ECPAS: variants seen among roughly 807,000 people sequenced by gnomAD.
The protein encoded by ECPAS is Ecm29 proteasome adaptor and scaffold.
ECPAS carries 70 observed loss-of-function variants against 255.1 expected under a neutral mutation model. The observed-to-expected ratio is 0.27, with a 90% CI of 0.23 to 0.33. The LOEUF is 0.33. ECPAS is among the 10% of genes least tolerant of loss of function. ECPAS has a pLI of 1.00. For synonymous variants in ECPAS, 784 were observed against 775.0 expected, an observed-to-expected ratio of 1.01 and a Z score of -0.19; for missense variants, 1,817 against 2,206.4, an observed-to-expected ratio of 0.82 and a Z score of 3.54.
chr9:111,399,046 G>T lies in ECPAS; in HGVS notation c.2653-1893C>A, dbSNP rs553960161. ...TTAAAATAGCTAAAAGAATATAATA[G>T]GATTGTTTGCAACTCAAAAGAAATG... On this transcript the variant is annotated intron_variant, in intron 24 of 49. Transcript: ENST00000684092. Among the ~76,000 whole-genome samples the T allele has an allele frequency of 1.8e-4, 27 of 152,176 alleles. No homozygotes were observed. The South Asian group carries it at 5.6e-3, about 32-fold the overall frequency.
At position 111,412,037 on chromosome 9, in the gene ECPAS, T is replaced by G. The variant is rs781556785; in HGVS notation, c.2191A>C (p.Ile731Leu). The stretch of plus-strand genomic sequence containing the variant: ...ACGTGATTGTCTTTTGTAGTCTTTA[T>G]AAGCTGTTCTATCATTGATTTCAAC... Reference protein sequence around the residue: ...NELKSMIEQLIKTTKDNHSPE... With the variant: ...NELKSMIEQLLKTTKDNHSPE... Residue 731 changes from isoleucine (I) to leucine (L), a missense_variant, in exon 21 of 50, where the codon ATA (isoleucine) becomes CTA (leucine). Ile to Leu is a conservative substitution (Grantham distance 5). Transcript: ENST00000684092. 3 of 1,577,570 alleles carry G rather than the reference T, an allele frequency of 1.9e-6. No homozygotes were observed. The highest frequency in any genetic ancestry group is 2.8e-5 in the African/African-American group (2 of 72,378).
At chr9:111,467,967 A>G (rs2098281564) in intron 2 of ECPAS, among the ~76,000 whole-genome samples, 1 of 152,138 alleles carries the variant, frequency 6.6e-6, no homozygotes, top group Non-Finnish European at 1.5e-5. Flanking sequence ...AGCCTGACCA[A>G]TATGATGAAA....
At chr9:111,458,166 T>C (rs921241354) in intron 2 of ECPAS, among the ~76,000 whole-genome samples, 28 of 152,338 alleles carry the variant, frequency 1.8e-4, no homozygotes, top group African/African-American at 6.5e-4. Flanking sequence ...GAGTCTAAGA[T>C]ATAAAGGAGC....
At chr9:111,464,270 CA>C (rs200787710) in intron 2 of ECPAS, among the ~76,000 whole-genome samples, 3,284 of 124,128 alleles carry the variant, frequency 0.026, 46 homozygotes, top group African/African-American at 0.042. Context: ...CCATCTCTAC[CA>C]AAAAAAAAAA....
In ECPAS at chr9:111,373,315, C is replaced by A. The variant is rs201568334; in HGVS notation, c.4269G>T (p.Arg1423=). The A allele has an allele frequency of 2.9e-5, 46 of 1,613,244 alleles. No individual in the cohort carries two copies. Among genetic ancestry groups the A allele is most frequent in the Admixed American group, 6.7e-5 (4 of 59,984 alleles). ...TAACTAAGCAAGAAATTTAACTCAC[C>A]CGAACTAAATGGCCCATAGCAAATG... is the stretch of plus-strand genomic sequence containing the variant. ...SCAFAMGHLV[R]TSRDSSTEKL... Residue 1423 remains arginine (R), a splice_region_variant and synonymous_variant, in exon 40 of 50, where the codon CGG becomes CGT. Coordinates refer to ENST00000684092, the MANE Select transcript of ECPAS (RefSeq NM_001364929.1).
chr9:111,406,966 C>T (rs1050830290), intron 24 of ECPAS, among the ~76,000 whole-genome samples: 3 of 149,378 alleles, frequency 2.0e-5, no homozygotes, highest in Non-Finnish European at 4.4e-5. Flanking sequence ...AGATATTCTG[C>T]TTCCGTTTCA....
chr9:111,423,379 A>G, intron 12 of ECPAS, 131 bp from the exon 13 acceptor site: 2 of 646,042 alleles, frequency 3.1e-6, no homozygotes. Context: ...CCTAGGTCTC[A>G]CTCTGTCTAA....
Position 111,373,414 on chromosome 9 carries a change from A to T in ECPAS, c.4178-8T>A. ...AAGCACTCATAAGTTTACCTACCAG[A>T]AATAAAGAGAAAAAAATCTGATACT... On this transcript the variant is annotated splice_polypyrimidine_tract_variant and splice_region_variant and intron_variant, in intron 39 of 49. Transcript: ENST00000684092. 6.2e-7 allele frequency: 1 copy of T among 1,610,366 alleles called. No homozygotes were observed. Among genetic ancestry groups the T allele is most frequent in the Non-Finnish European group, 8.5e-7 (1 of 1,177,812 alleles).
At chr9:111,482,735 C>T (rs913264605) in intron 1 of ECPAS, among the ~76,000 whole-genome samples, 1 of 152,178 alleles carries the variant, frequency 6.6e-6, no homozygotes, top group East Asian at 1.9e-4. Flanking sequence ...TGTCCTATGT[C>T]CTATGAAACT....
At chr9:111,467,438 C>T (rs2098280953) in intron 2 of ECPAS, among the ~76,000 whole-genome samples, 1 of 152,150 alleles carries the variant, frequency 6.6e-6, no homozygotes, top group Admixed American at 6.5e-5. Context: ...AATTATGTGT[C>T]ATTACTAACT....
At chr9:111,370,408 C>A in intron 45 of ECPAS, 27 bp downstream of exon 45, 1 of 1,457,674 alleles carries the variant, frequency 6.9e-7, no homozygotes, top group Non-Finnish European at 9.3e-7. Flanking sequence ...AAGTATAAAC[C>A]AGAACTGAGG....
chr9:111,420,519 T>C (rs1489273212), intron 15 of ECPAS, among the ~76,000 whole-genome samples: 1 of 152,080 alleles, frequency 6.6e-6, no homozygotes, highest in Non-Finnish European at 1.5e-5. Flanking sequence ...TGAGTGAAAG[T>C]CAGGTATTTG....
intron 6 of ECPAS, 100 bp downstream of exon 6, chr9:111,440,272 T>A: frequency 1.0e-6 from 1 of 1,000,788 alleles, no homozygotes; most frequent in Non-Finnish European, 1.4e-6. Context: ...GATGTTGAGA[T>A]GCATTCATTT....
intron 24 of ECPAS, among the ~76,000 whole-genome samples, chr9:111,401,687 T>C (rs2098176300): frequency 6.6e-6 from 1 of 152,130 alleles, no homozygotes; most frequent in Admixed American, 6.5e-5. Context: ...AGAGTAGCCA[T>C]TCATAGACCT....
chr9:111,400,746 A>G (rs956376963), intron 24 of ECPAS, among the ~76,000 whole-genome samples: 4 of 152,226 alleles, frequency 2.6e-5, no homozygotes, highest in South Asian at 2.1e-4. Flanking sequence ...AAAAAAATGC[A>G]GAAGAATGAG....
chr9:111,457,018 C>T (rs542737011), intron 2 of ECPAS, among the ~76,000 whole-genome samples: 1 of 152,212 alleles, frequency 6.6e-6, no homozygotes, highest in East Asian at 1.9e-4. Flanking sequence ...AAAAAGAAAA[C>T]GTGGGGTCAG....
chr9:111,399,032 A>G (rs986600017), intron 24 of ECPAS, among the ~76,000 whole-genome samples: 1 of 150,696 alleles, frequency 6.6e-6, no homozygotes, highest in African/African-American at 2.5e-5. Context: ...TAAAATAGCT[A>G]AAAGAATATA....
chr9:111,386,256 G>T, intron 32 of ECPAS, 121 bp downstream of exon 32: 1 of 710,120 alleles, frequency 1.4e-6, no homozygotes, highest in Non-Finnish European at 2.4e-6. Flanking sequence ...GAGCCACCAC[G>T]CCCGGCCAGC....
intron 1 of ECPAS, chr9:111,483,677 G>A: frequency 5.9e-6 from 1 of 169,396 alleles, no homozygotes. Flanking sequence ...CCCGAGGCCC[G>A]CCCGCCGCCG....
Sources: gnomAD v4.1 joint callset for allele counts (sites outside exome capture counted in the v4.1 genomes callset) on GRCh38, gnomAD v4.1.1 for gene constraint, MANE v1.5 for transcripts, NCBI Gene and HGNC (gene_info 2026-07-23, HGNC 2026-07-21) for gene names.